Variants in NKIRAS1 observed in about 807,000 individuals in gnomAD.
The protein encoded by NKIRAS1 is NF-kappa-B inhibitor-interacting Ras-like protein 1.
NKIRAS1 carries 16 observed loss-of-function variants against 19.8 expected under a neutral mutation model. That is an observed-to-expected ratio of 0.81 (90% confidence interval 0.55 to 1.23). The LOEUF (loss-of-function observed/expected upper bound fraction) is 1.23. Among genes scored for constraint, NKIRAS1 ranks in the 50% most tolerant of loss-of-function variants. The probability of loss-of-function intolerance (pLI) is 0.00; values close to 1 mark genes in which losing one functional copy is unlikely to be tolerated. For missense variants in NKIRAS1, 184 were observed against 220.0 expected (o/e 0.84, Z 1.04); for synonymous variants, 88 against 79.0 (o/e 1.11, Z -0.61).
intron 1 of NKIRAS1, chr3:23,916,519 C>T (rs950718205): frequency 6.6e-6 from 1 of 152,274 alleles, no homozygotes; most frequent in Non-Finnish European, 1.5e-5. Flanking sequence ...TTTTTTAGGA[C>T]AAAATCCCTG....
chr3:23,893,361 A>T (rs1053342543), intron 4 of NKIRAS1, 24 bp from the exon 5 acceptor site: 1 of 1,608,162 alleles, frequency 6.2e-7, no homozygotes, highest in Non-Finnish European at 8.5e-7. Flanking sequence ...GATTGAAAAG[A>T]TCATACTAGT....
At chr3:23,917,858 A>G (rs1704740567), upstream of NKIRAS1, 1 of 1,608,036 alleles carries the variant, frequency 6.2e-7, no homozygotes, top group Non-Finnish European at 8.5e-7. Flanking sequence ...AGGTAAGCCA[A>G]GATGGGTGCA....
chr3:23,938,671 A>T (rs1705440263), intron 1 of NKIRAS1, among the ~76,000 whole-genome samples: 1 of 152,180 alleles, frequency 6.6e-6, no homozygotes, highest in African/African-American at 2.4e-5. Context: ...TGTTATAAAG[A>T]GATAAGGTCC....
intron 4 of NKIRAS1, among the ~76,000 whole-genome samples, chr3:23,899,036 T>C (rs900033248): frequency 1.3e-5 from 2 of 152,172 alleles, no homozygotes; most frequent in African/African-American, 4.8e-5. Flanking sequence ...CATCTCCATC[T>C]GTGGAAAAAT....
At chr3:23,904,707 T>G (rs551225989) in intron 3 of NKIRAS1, among the ~76,000 whole-genome samples, 1 of 152,160 alleles carries the variant, frequency 6.6e-6, no homozygotes, top group African/African-American at 2.4e-5. Flanking sequence ...GGTTCCCAGA[T>G]TCTCAAAAGT....
At chr3:23,944,258 G>T (rs1206336690) in intron 1 of NKIRAS1, among the ~76,000 whole-genome samples, 1 of 152,172 alleles carries the variant, frequency 6.6e-6, no homozygotes, top group African/African-American at 2.4e-5. Context: ...AGAAACCTGG[G>T]GGGTGGGGAA....
intron 1 of NKIRAS1, among the ~76,000 whole-genome samples, chr3:23,936,497 T>G (rs1705395220): frequency 6.6e-6 from 1 of 152,162 alleles, no homozygotes; most frequent in Non-Finnish European, 1.5e-5. Flanking sequence ...GGCCCTGCCC[T>G]TAGAGTTTCT....
chr3:23,910,934 T>C lies in NKIRAS1; in HGVS notation c.-17-13A>G. On this transcript the variant is annotated splice_polypyrimidine_tract_variant and intron_variant, in intron 2 of 4. Transcript: ENST00000425478. ...TCTCAGGATATCACTGTGGAGAGAA[T>C]AACAGGTCTTTTAAATTGTATACTG... 6.4e-7 allele frequency: 1 copy of C among 1,563,180 alleles called. No individual in the cohort carries two copies. The highest frequency in any genetic ancestry group is 8.8e-7 in the Non-Finnish European group (1 of 1,134,046).
chr3:23,895,871 C>T (rs1701928577), intron 4 of NKIRAS1, among the ~76,000 whole-genome samples: 1 of 152,116 alleles, frequency 6.6e-6, no homozygotes, highest in Admixed American at 6.6e-5. Flanking sequence ...CACGGTGACT[C>T]ACACCTGTAA....
At chr3:23,914,845 TTTTTAAA>T (rs1704153356) in intron 1 of NKIRAS1, among the ~76,000 whole-genome samples, 1 of 152,254 alleles carries the variant, frequency 6.6e-6, no homozygotes, top group African/African-American at 2.4e-5. Context: ...TTCATCCAAC[TTTTTAAA>T]TTTTATTTTT....
intron 1 of NKIRAS1, among the ~76,000 whole-genome samples, chr3:23,925,175 A>G (rs1012327472): frequency 6.6e-6 from 1 of 152,192 alleles, no homozygotes; most frequent in African/African-American, 2.4e-5. Context: ...TACCACATAC[A>G]CTAATCCATT....
intron 4 of NKIRAS1, among the ~76,000 whole-genome samples, chr3:23,893,915 C>A (rs1444016390): frequency 1.3e-5 from 2 of 150,110 alleles, no homozygotes; most frequent in South Asian, 2.1e-4. Context: ...ATCTAGGATA[C>A]AGACTGGTTT....
intron 1 of NKIRAS1, among the ~76,000 whole-genome samples, chr3:23,941,058 TC>T (rs570590330): frequency 1.3e-5 from 2 of 152,242 alleles, no homozygotes; most frequent in Non-Finnish European, 2.9e-5. Context: ...AGTGCAGAGT[TC>T]TGAGATCAAA....
chr3:23,893,415 A>G (rs1701631899), intron 4 of NKIRAS1, 78 bp from the exon 5 acceptor site: 7 of 1,324,466 alleles, frequency 5.3e-6, no homozygotes, highest in Non-Finnish European at 7.3e-6. Flanking sequence ...GACATAAGGA[A>G]AATTGTTCCA....
At chr3:23,919,417 C>T (rs748865914), upstream of NKIRAS1, 8 of 1,604,256 alleles carry the variant, frequency 5.0e-6, no homozygotes, top group East Asian at 1.3e-4. Context: ...TTGGAAAGGG[C>T]CACAAGTTCC....
In NKIRAS1 at chr3:23,890,097, G is replaced by A. The variant is rs765219608; in HGVS notation, c.*2998C>T. 7.9e-5 allele frequency among the ~76,000 whole-genome samples: 12 copies of A among 152,142 alleles called. No homozygotes were observed. Among genetic ancestry groups the A allele is most frequent in the Non-Finnish European group, 1.2e-4 (8 of 68,022 alleles). On this transcript the variant is annotated 3_prime_UTR_variant, in exon 5 of 5. Coordinates refer to ENST00000425478, the MANE Select transcript of NKIRAS1 (RefSeq NM_020345.4). ...AGTGTTGCACTGCAACAGCCCCGAA[G>A]ACTTCACAGTATTCACAATGCCGTT...
At chr3:23,945,496 G>C in intron 1 of NKIRAS1, 1 of 877,142 alleles carries the variant, frequency 1.1e-6, no homozygotes, top group South Asian at 5.4e-5. Context: ...TCCAGCCCGG[G>C]GCGGCGCGGC....
At position 23,890,656 on chromosome 3, in the gene NKIRAS1, G is replaced by A. The variant is rs368666445; in HGVS notation, c.*2439C>T. ...TATTTGTCTGTCACAGAAGAGAGCT[G>A]CTTATGATTTTGAAGGGGTCAGGGA... On this transcript the variant is annotated 3_prime_UTR_variant, in exon 5 of 5. Coordinates refer to ENST00000425478, the MANE Select transcript of NKIRAS1 (RefSeq NM_020345.4). 3 of 1,568,310 alleles carry A rather than the reference G, an allele frequency of 1.9e-6. No individual in the cohort carries two copies. The highest frequency in any genetic ancestry group is 1.7e-6 in the Non-Finnish European group (2 of 1,146,596).
intron 3 of NKIRAS1, among the ~76,000 whole-genome samples, chr3:23,903,526 G>C (rs1209309508): frequency 6.6e-6 from 1 of 150,980 alleles, no homozygotes; most frequent in Non-Finnish European, 1.5e-5. Context: ...ACAAAGAAAA[G>C]AAAACAAAAA....
Sources: gnomAD v4.1 joint callset for allele counts (sites outside exome capture counted in the v4.1 genomes callset) on GRCh38, gnomAD v4.1.1 for gene constraint, MANE v1.5 for transcripts, NCBI Gene and HGNC (gene_info 2026-07-23, HGNC 2026-07-21) for gene names.